PRR14L: variants seen among roughly 807,000 people sequenced by gnomAD.
PRR14L encodes protein PRR14L.
PRR14L carries 80 observed loss-of-function variants against 155.0 expected under a neutral mutation model. The observed-to-expected ratio is 0.52, with a 90% confidence interval of 0.43 to 0.62. PRR14L has a LOEUF of 0.62. Ranked by LOEUF, PRR14L falls within the 20% of genes least tolerant of loss-of-function variation. PRR14L has a pLI of 0.00. For missense variants in PRR14L, 2,469 were observed against 2,548.0 expected (o/e 0.97, Z 0.67); for synonymous variants, 883 against 916.0 (o/e 0.96, Z 0.65).
intron 1 of PRR14L, among the ~76,000 whole-genome samples, chr22:31,746,244 A>G (rs562098227): frequency 1.3e-5 from 2 of 152,320 alleles, no homozygotes; most frequent in African/African-American, 4.8e-5. Context: ...GTGAGTATAT[A>G]TTACATATGT....
chr22:31,741,495 C>T (rs2074812939), intron 1 of PRR14L, among the ~76,000 whole-genome samples: 2 of 151,816 alleles, frequency 1.3e-5, no homozygotes, highest in Non-Finnish European at 2.9e-5. Flanking sequence ...TAAAACAAAA[C>T]AAAACATTAC....
intron 2 of PRR14L, among the ~76,000 whole-genome samples, chr22:31,727,313 A>G (rs1401769513): frequency 1.3e-5 from 2 of 149,560 alleles, no homozygotes; most frequent in African/African-American, 2.5e-5. Flanking sequence ...GGCTCACTGC[A>G]ATCTCTGCTT....
intron 7 of PRR14L, among the ~76,000 whole-genome samples, chr22:31,701,111 C>T (rs1156504612): frequency 2.0e-5 from 3 of 151,682 alleles, no homozygotes; most frequent in Non-Finnish European, 4.4e-5. Context: ...CCTCAGCCTT[C>T]CCAAGTAGCT....
intron 4 of PRR14L, among the ~76,000 whole-genome samples, chr22:31,706,548 C>T (rs983369065): frequency 3.3e-5 from 5 of 151,668 alleles, no homozygotes; most frequent in African/African-American, 9.7e-5. Flanking sequence ...CCTCAGCCTC[C>T]GAGTAGCTGG....
chr22:31,726,685 C>A (rs1165291842), intron 2 of PRR14L, among the ~76,000 whole-genome samples: 2 of 152,160 alleles, frequency 1.3e-5, no homozygotes, highest in African/African-American at 4.8e-5. Context: ...TTAAAATATT[C>A]TTTCAAGTTA....
chr22:31,712,684 C>G lies in PRR14L; in HGVS notation c.5155G>C (p.Val1719Leu). ...SLLFGSEIFP[V>L]SFHVKSSSSD... ...CTGGATGATTTCACATGAAAGGATA[C>G]TGGGAAGATTTCAGAACCAAACAGC... is the stretch of plus-strand genomic sequence containing the variant. Residue 1719 changes from valine to leucine, a missense_variant, in exon 4 of 9, where the codon GTA (valine) becomes CTA (leucine). Physicochemically the swap from Val to Leu is conservative, Grantham distance 32. Coordinates refer to ENST00000327423, the MANE Select transcript of PRR14L (RefSeq NM_173566.3). 1.3e-6 allele frequency: 2 copies of G among 1,551,734 alleles called. No homozygotes were observed. The highest frequency in any genetic ancestry group is 1.7e-6 in the Non-Finnish European group (2 of 1,147,008).
chr22:31,724,773 AGAG>A (rs2074708074), intron 3 of PRR14L, among the ~76,000 whole-genome samples: 1 of 152,188 alleles, frequency 6.6e-6, no homozygotes, highest in Non-Finnish European at 1.5e-5. Flanking sequence ...TGGGGTGAGA[AGAG>A]GAGAACCTTA....
intron 4 of PRR14L, among the ~76,000 whole-genome samples, chr22:31,710,317 T>C (rs1295605644): frequency 1.3e-5 from 2 of 152,180 alleles, no homozygotes; most frequent in East Asian, 3.9e-4. Flanking sequence ...CCTAAGCTAT[T>C]TGGAATATTA....
intron 2 of PRR14L, among the ~76,000 whole-genome samples, chr22:31,730,746 T>A (rs1483392586): frequency 2.0e-5 from 3 of 152,242 alleles, no homozygotes; most frequent in African/African-American, 7.2e-5. Flanking sequence ...CTGCTTGAGA[T>A]AATTATTATT....
intron 4 of PRR14L, 113 bp downstream of exon 4, chr22:31,711,970 G>A: frequency 1.0e-6 from 1 of 985,324 alleles, no homozygotes; most frequent in Non-Finnish European, 1.5e-6. Flanking sequence ...AATAGAAAAT[G>A]CAGACCCAAG....
At chr22:31,732,058 T>A (rs1220489455) in intron 2 of PRR14L, among the ~76,000 whole-genome samples, 1 of 152,170 alleles carries the variant, frequency 6.6e-6, no homozygotes, top group Non-Finnish European at 1.5e-5. Context: ...CCATTTCCAT[T>A]CCCCCATTCT....
At chr22:31,707,530 G>T (rs2074598665) in intron 4 of PRR14L, among the ~76,000 whole-genome samples, 1 of 152,090 alleles carries the variant, frequency 6.6e-6, no homozygotes, top group African/African-American at 2.4e-5. Context: ...ATAGGCATGT[G>T]CCACTAAGCC....
Position 31,725,544 on chromosome 22 carries a change from T to C in PRR14L, c.541A>G (p.Ser181Gly). 1 of 1,546,690 alleles carries C rather than the reference T, an allele frequency of 6.5e-7. No individual in the cohort carries two copies. The highest frequency in any genetic ancestry group is 8.8e-7 in the Non-Finnish European group (1 of 1,142,430). Reference sequence around the variant, plus strand: ...ATTTGAGAGAAATAAATACCTTTGCTCCTTAGAAAATCTTCAGGGAGGTCC... The same window carrying C: ...ATTTGAGAGAAATAAATACCTTTGCCCCTTAGAAAATCTTCAGGGAGGTCC... ...HVDLPEDFLR[S>G]KEGNVQITAE... The change falls in exon 3 of 9, where the codon AGC becomes GGC. Residue 181 changes from serine (S) to glycine (G), a missense_variant. By Grantham distance (56) the Ser-to-Gly change is moderately conservative. Around this residue, in one of 2 missense-constraint regions of PRR14L, gnomAD observed 2,363 missense variants for 2,371.6 expected, o/e 1.00. Coordinates refer to ENST00000327423, the MANE Select transcript of PRR14L (RefSeq NM_173566.3).
rs141237582 is a variant in PRR14L, at chr22:31,711,188, A to G, written c.5756+895T>C. 2.0e-3 allele frequency among the ~76,000 whole-genome samples: 309 copies of G among 152,222 alleles called. 1 individual carries two copies. The highest frequency in any genetic ancestry group is 0.01 in the Middle Eastern group (3 of 294). ...GATGGGCGCAAGAGTAGAAAAGAAG[A>G]TTCAGCTGGGTGTGGTGGCTACCGC... On this transcript the variant is annotated intron_variant, in intron 4 of 8. Transcript: ENST00000327423.
chr22:31,688,065 G>T, intron 8 of PRR14L, 91 bp downstream of exon 8: 33 of 1,148,012 alleles, frequency 2.9e-5, no homozygotes, highest in Non-Finnish European at 3.5e-5. Flanking sequence ...TGGTACAACT[G>T]AACATAAACT....
rs2074475680 is a variant in PRR14L at position 31,685,012 on chromosome 22, A to G, written c.*515T>C. The G allele has an allele frequency of 6.3e-6, 1 of 158,418 alleles. No homozygotes were observed. Among genetic ancestry groups the G allele is most frequent in the Non-Finnish European group, 1.4e-5 (1 of 71,622 alleles). The allele number at this position is 158,418 out of a possible 1,614,324, so 9.8% of individuals were successfully genotyped here. A position where few individuals can be genotyped will look rare whatever the true frequency, so the allele number is the denominator to read the frequency against. On this transcript the variant is annotated 3_prime_UTR_variant, in exon 9 of 9. Coordinates refer to ENST00000327423, the MANE Select transcript of PRR14L (RefSeq NM_173566.3). Reference sequence around the variant, plus strand: ...CACATCAATAGGTCCTGGGCAGACAAAAGATAAGAAAACACAACAGCTCAT... The same window carrying G: ...CACATCAATAGGTCCTGGGCAGACAGAAGATAAGAAAACACAACAGCTCAT...
At chr22:31,707,003 C>T (rs1459147574) in intron 4 of PRR14L, among the ~76,000 whole-genome samples, 1 of 151,552 alleles carries the variant, frequency 6.6e-6, no homozygotes, top group African/African-American at 2.4e-5. Flanking sequence ...GAGCTGAGAT[C>T]GCGCCACTGC....
In PRR14L at chr22:31,684,632, G is replaced by A. The variant is rs2074473031; in HGVS notation, c.*895C>T. 6.6e-6 allele frequency: 1 copy of A among 152,192 alleles called. No individual in the cohort carries two copies. Among genetic ancestry groups the A allele is most frequent in the South Asian group, 2.1e-4 (1 of 4,836 alleles). 9.4% of individuals were successfully genotyped at this position (152,192 alleles called of 1,614,324 possible). A position where few individuals can be genotyped will look rare whatever the true frequency, so the allele number is the denominator to read the frequency against. On this transcript the variant is annotated 3_prime_UTR_variant, in exon 9 of 9. Coordinates refer to ENST00000327423, the MANE Select transcript of PRR14L (RefSeq NM_173566.3). ...CTCCCTCTAATGAGTTACACTAGAA[G>A]CTGGAGATGGGGAAGGGATTGCCTG...
In PRR14L at chr22:31,712,535, C is replaced by G; in HGVS notation, c.5304G>C (p.Leu1768Phe). 6.4e-7 allele frequency: 1 copy of G among 1,551,642 alleles called. No individual in the cohort carries two copies. Among genetic ancestry groups the G allele is most frequent in the Non-Finnish European group, 8.7e-7 (1 of 1,147,002 alleles). ...QPPKWTFSFF[L>F]SHGCPGMATF... Reference sequence around the variant, plus strand: ...TTGCCATCCCAGGGCAACCGTGGGACAAGAAGAAAGAAAAGGTCCACTTGG... The same window carrying G: ...TTGCCATCCCAGGGCAACCGTGGGAGAAGAAGAAAGAAAAGGTCCACTTGG... The change falls in exon 4 of 9, where the codon TTG (leucine) becomes TTC (phenylalanine). Residue 1768 changes from leucine to phenylalanine, a missense_variant. Transcript: ENST00000327423.
Sources: allele counts gnomAD v4.1 joint callset (sites outside exome capture counted in the v4.1 genomes callset), GRCh38; gene constraint gnomAD v4.1.1; regional missense constraint gnomAD v4.1.1; transcripts MANE v1.5; gene names NCBI Gene and HGNC (gene_info 2026-07-23, HGNC 2026-07-21).